Variants in SETD7 observed in about 807,000 individuals in gnomAD.
The protein encoded by SETD7 is histone-lysine N-methyltransferase SETD7.
In SETD7, 16 loss-of-function variants were observed where a neutral mutation model predicts 41.8. The ratio of observed to expected loss-of-function variants is 0.38; its 90% CI spans 0.26 to 0.58. The LOEUF is 0.58. Ranked by LOEUF, SETD7 falls within the 20% of genes least tolerant of loss-of-function variation. SETD7 has a pLI of 0.64. For missense variants in SETD7, 346 were observed against 459.7 expected (o/e 0.75, Z 2.26); for synonymous variants, 163 against 169.7 (o/e 0.96, Z 0.31).
At chr4:139,542,370 C>T (rs1029080651) in intron 2 of SETD7, among the ~76,000 whole-genome samples, 1 of 152,128 alleles carries the variant, frequency 6.6e-6, no homozygotes, top group Admixed American at 6.5e-5. Context: ...ATATTGTATA[C>T]TTCAAAATAG....
At chr4:139,516,329 A>C (rs1560677713) in intron 7 of SETD7, among the ~76,000 whole-genome samples, 1 of 151,886 alleles carries the variant, frequency 6.6e-6, no homozygotes. Context: ...AGCCATGCAT[A>C]ATGGCAGGTG....
chr4:139,494,261 C>T (rs1726415028), downstream of SETD7, among the ~76,000 whole-genome samples: 1 of 152,158 alleles, frequency 6.6e-6, no homozygotes, highest in Non-Finnish European at 1.5e-5. Context: ...GAGTCCAGAT[C>T]TTTTCATCTC....
chr4:139,511,475 G>A lies in SETD7; in HGVS notation c.*188C>T. On this transcript the variant is annotated 3_prime_UTR_variant, in exon 8 of 8. Transcript: ENST00000274031. ...TCAGTAGGACGTTGTTGCAAGGCTAGCTAATTTTAAATCTGGTATGAGTAA... is the reference window on the plus strand; with the variant it reads ...TCAGTAGGACGTTGTTGCAAGGCTAACTAATTTTAAATCTGGTATGAGTAA... 9.7e-7 allele frequency: 1 copy of A among 1,029,312 alleles called. No individual in the cohort carries two copies. Among genetic ancestry groups the A allele is most frequent in the Non-Finnish European group, 1.4e-6 (1 of 724,950 alleles). The allele number at this position is 1,029,312 out of a possible 1,614,324, so 63.8% of individuals were successfully genotyped here. A position where few individuals can be genotyped will look rare whatever the true frequency, so the allele number is the denominator to read the frequency against.
chr4:139,511,742 G>C lies in SETD7; in HGVS notation c.1022C>G (p.Pro341Arg). 6.2e-7 allele frequency: 1 copy of C among 1,614,122 alleles called. No individual in the cohort carries two copies. Among genetic ancestry groups the C allele is most frequent in the Non-Finnish European group, 8.5e-7 (1 of 1,180,002 alleles). ...LTVAYGYDHS[P>R]PGKSGPEAPE... Reference sequence around the variant, plus strand: ...GGCTTCAGGCCCACTCTTCCCGGGGGGGCTGTGGTCATAGCCATAGGCAAC... The same window carrying C: ...GGCTTCAGGCCCACTCTTCCCGGGGCGGCTGTGGTCATAGCCATAGGCAAC... Residue 341 changes from proline (P) to arginine (R), a missense_variant, in exon 8 of 8, where the codon CCC becomes CGC. By Grantham distance (103) the Pro-to-Arg change is moderately radical. Transcript: ENST00000274031.
chr4:139,516,860 A>T (rs1283782526), intron 7 of SETD7, among the ~76,000 whole-genome samples: 1 of 152,214 alleles, frequency 6.6e-6, no homozygotes, highest in East Asian at 1.9e-4. Flanking sequence ...AGAACATTTT[A>T]ATCAGTCCAA....
Position 139,517,757 on chromosome 4 carries a change from A to G in SETD7, c.920+128T>C, listed in dbSNP as rs960438108. Reference sequence around the variant, plus strand: ...TTCAAGTCATAACCCTGAGGCCGATAGCAGAGGACCCATGGTCATTCAGAT... The same window carrying G: ...TTCAAGTCATAACCCTGAGGCCGATGGCAGAGGACCCATGGTCATTCAGAT... On this transcript the variant is annotated intron_variant, in intron 7 of 7. Coordinates refer to ENST00000274031, the MANE Select transcript of SETD7 (RefSeq NM_030648.4). 3 of 942,508 alleles carry G rather than the reference A, an allele frequency of 3.2e-6. No homozygotes were observed. The East Asian group carries it at 8.0e-5, about 25-fold the overall frequency. The allele number at this position is 942,508 out of a possible 1,614,324, so 58.4% of individuals were successfully genotyped here. A position where few individuals can be genotyped will look rare whatever the true frequency, so the allele number is the denominator to read the frequency against.
At chr4:139,534,837 G>C (rs997578028) in intron 2 of SETD7, among the ~76,000 whole-genome samples, 1 of 152,138 alleles carries the variant, frequency 6.6e-6, no homozygotes, top group African/African-American at 2.4e-5. Context: ...ACTCTGTCTG[G>C]TAAAGTCTTG....
At chr4:139,533,506 G>C in intron 2 of SETD7, 140 bp from the exon 3 acceptor site, 2 of 690,084 alleles carry the variant, frequency 2.9e-6, no homozygotes, top group East Asian at 2.7e-5. Context: ...AATTATCATC[G>C]ACTGCTAGGA....
downstream of SETD7, among the ~76,000 whole-genome samples, chr4:139,505,011 G>A (rs567996531): frequency 6.6e-6 from 1 of 152,294 alleles, no homozygotes; most frequent in South Asian, 2.1e-4. Context: ...ATGTGTCTGT[G>A]CAGGTGGAAA....
intron 1 of SETD7, among the ~76,000 whole-genome samples, chr4:139,553,176 G>A (rs1728159369): frequency 6.6e-6 from 1 of 152,164 alleles, no homozygotes; most frequent in African/African-American, 2.4e-5. Flanking sequence ...TGTCCACTCT[G>A]AGTTCAGAAC....
intron 1 of SETD7, among the ~76,000 whole-genome samples, chr4:139,550,748 G>A (rs138875096): frequency 2.0e-5 from 3 of 152,246 alleles, no homozygotes; most frequent in Non-Finnish European, 2.9e-5. Context: ...TAATGCACAG[G>A]GGTACTGATA....
intron 5 of SETD7, 92 bp from the exon 6 acceptor site, chr4:139,520,486 C>A: frequency 3.1e-6 from 2 of 640,508 alleles, no homozygotes; most frequent in East Asian, 2.9e-5. Context: ...GCTACTGATT[C>A]CAAAATGTCA....
At chr4:139,517,226 A>G (rs558656888) in intron 7 of SETD7, among the ~76,000 whole-genome samples, 120 of 152,204 alleles carry the variant, frequency 7.9e-4, no homozygotes, top group African/African-American at 2.8e-3. Context: ...TGTAATCCCA[A>G]CACTTTGGGA....
chr4:139,526,104 G>A lies in SETD7; in HGVS notation c.563-2669C>T, dbSNP rs550837038. 7.8e-4 allele frequency among the ~76,000 whole-genome samples: 118 copies of A among 152,162 alleles called. 1 individual carries two copies. The highest frequency in any genetic ancestry group is 2.8e-3 in the African/African-American group (117 of 41,512). Reference sequence around the variant, plus strand: ...GTCTCTGTGTCACCCAGGCTGGAATGCAGTGGTGCTATCTTGGCTCACTGC... The same window carrying A: ...GTCTCTGTGTCACCCAGGCTGGAATACAGTGGTGCTATCTTGGCTCACTGC... On this transcript the variant is annotated intron_variant, in intron 4 of 7. Transcript: ENST00000274031.
At chr4:139,530,383 T>C (rs1371496950) in intron 3 of SETD7, among the ~76,000 whole-genome samples, 3 of 136,544 alleles carry the variant, frequency 2.2e-5, no homozygotes, top group African/African-American at 8.5e-5. Context: ...TTTTGCCTTC[T>C]AGGAAAAGGG....
intron 7 of SETD7, among the ~76,000 whole-genome samples, chr4:139,513,639 A>G (rs1726944231): frequency 6.6e-6 from 1 of 152,178 alleles, no homozygotes. Context: ...ACTTGGTGTC[A>G]GAAGACTTTG....
chr4:139,528,523 A>G (rs1284715286), intron 4 of SETD7, among the ~76,000 whole-genome samples: 1 of 152,212 alleles, frequency 6.6e-6, no homozygotes, highest in Non-Finnish European at 1.5e-5. Flanking sequence ...ACTTTTCAGT[A>G]TCTCCCACTA....
intron 1 of SETD7, among the ~76,000 whole-genome samples, chr4:139,549,639 C>T (rs1217637878): frequency 6.6e-6 from 1 of 151,534 alleles, no homozygotes; most frequent in Non-Finnish European, 1.5e-5. Context: ...AGGGTCTCAC[C>T]CTGTTACTCA....
At chr4:139,502,342 G>A (rs368210049), downstream of SETD7, among the ~76,000 whole-genome samples, 17 of 152,314 alleles carry the variant, frequency 1.1e-4, no homozygotes, top group East Asian at 3.3e-3. Flanking sequence ...ATAAAGGAGG[G>A]TAAAGTGGCC....
Sources: allele counts gnomAD v4.1 joint callset (sites outside exome capture counted in the v4.1 genomes callset), GRCh38; gene constraint gnomAD v4.1.1; transcripts MANE v1.5; gene names NCBI Gene and HGNC (gene_info 2026-07-23, HGNC 2026-07-21).